Variants in PXT1 observed in about 807,000 individuals in gnomAD.
PXT1 encodes peroxisomal testis-specific protein 1.
PXT1 carries 11 observed loss-of-function variants against 11.0 expected under a neutral mutation model. The observed-to-expected ratio is 1.00, with a 90% CI of 0.63 to 1.66. The LOEUF (loss-of-function observed/expected upper bound fraction) is 1.66, where lower values mean the gene tolerates loss of function less well. PXT1 is among the 40% of genes most tolerant of loss of function. The pLI, the probability that PXT1 is intolerant of heterozygous loss-of-function variation, is 0.00. For missense variants in PXT1, 141 were observed against 155.5 expected (o/e 0.91, Z 0.49); for synonymous variants, 43 against 51.4 (o/e 0.84, Z 0.70).
chr6:36,405,435 A>G lies in PXT1; in HGVS notation c.170-4851T>C, dbSNP rs1393015565. 2.6e-5 allele frequency among the ~76,000 whole-genome samples: 4 copies of G among 151,884 alleles called. No homozygotes were observed. In the East Asian group the frequency reaches 5.8e-4, roughly 22 times the overall value. On this transcript the variant is annotated intron_variant, in intron 3 of 4. Transcript: ENST00000454782. ...CTCTTGTTGCCCAGGCTGCAGTACA[A>G]TGTCGCGATCTCAGCTCACTGCAAC...
chr6:36,440,363 G>A (rs998051672), intron 1 of PXT1, among the ~76,000 whole-genome samples: 4 of 152,174 alleles, frequency 2.6e-5, no homozygotes, highest in African/African-American at 9.7e-5. Context: ...GAGGTCAGGA[G>A]ATCGAGACCA....
intron 1 of PXT1, among the ~76,000 whole-genome samples, chr6:36,440,243 A>G (rs954091773): frequency 6.6e-6 from 1 of 152,228 alleles, no homozygotes; most frequent in East Asian, 1.9e-4. Flanking sequence ...GACAATTTAC[A>G]ATAGCTATTA....
intron 4 of PXT1, among the ~76,000 whole-genome samples, chr6:36,398,962 G>A (rs762888614): frequency 6.6e-6 from 1 of 152,074 alleles, no homozygotes; most frequent in African/African-American, 2.4e-5. Context: ...TATGAGCCCT[G>A]CTGCTCACTG....
chr6:36,392,395 A>G (rs1049097401), intron 4 of PXT1, among the ~76,000 whole-genome samples: 43 of 152,156 alleles, frequency 2.8e-4, no homozygotes, highest in African/African-American at 1.0e-3. Context: ...AAGACTGGGC[A>G]TGGTGGCTCC....
chr6:36,402,021 A>G (rs906350517), intron 3 of PXT1, among the ~76,000 whole-genome samples: 4 of 151,358 alleles, frequency 2.6e-5, no homozygotes, highest in African/African-American at 9.7e-5. Context: ...TTGTTTCCCA[A>G]GCTGGTCTTG....
intron 3 of PXT1, among the ~76,000 whole-genome samples, chr6:36,412,370 A>T (rs1179009317): frequency 1.3e-5 from 2 of 151,046 alleles, no homozygotes; most frequent in Non-Finnish European, 3.0e-5. Context: ...AAACAAAAAT[A>T]AAAAAAATAG....
intron 3 of PXT1, among the ~76,000 whole-genome samples, chr6:36,418,773 G>A (rs601606): frequency 2.6e-5 from 4 of 152,120 alleles, no homozygotes; most frequent in African/African-American, 7.2e-5. Context: ...GGAGAGTACC[G>A]ACTCACTTCC....
At chr6:36,429,833 G>T (rs775136910) in intron 2 of PXT1, among the ~76,000 whole-genome samples, 1 of 140,670 alleles carries the variant, frequency 7.1e-6, no homozygotes, top group African/African-American at 2.8e-5. Flanking sequence ...ATATATTTAC[G>T]AAAGTTTTTA....
At position 36,442,743 on chromosome 6, in the gene PXT1, G is replaced by C. The variant is rs1437218472; in HGVS notation, c.-338C>G. 2 of 152,182 alleles carry C rather than the reference G, an allele frequency of 1.3e-5. No homozygotes were observed. The highest frequency in any genetic ancestry group is 1.9e-4 in the East Asian group (1 of 5,200). The allele number at this position is 152,182 out of a possible 1,614,324, so 9.4% of individuals were successfully genotyped here. A position where few individuals can be genotyped will look rare whatever the true frequency, so the allele number is the denominator to read the frequency against. The stretch of plus-strand genomic sequence containing the variant: ...TTAGCCGTCCTGGCGCTGCACGAGC[G>C]TATTCTACAATTCCGAAAACTACTA... On this transcript the variant is annotated 5_prime_UTR_variant, in exon 1 of 5. Transcript: ENST00000454782.
At chr6:36,430,813 G>A (rs1774681123) in intron 2 of PXT1, among the ~76,000 whole-genome samples, 1 of 151,354 alleles carries the variant, frequency 6.6e-6, no homozygotes, top group Admixed American at 6.6e-5. Flanking sequence ...TTAATTTTTT[G>A]AGACAACGTC....
chr6:36,390,995 C>T lies in PXT1; in HGVS notation c.*775G>A, dbSNP rs1774057706. 6.6e-6 allele frequency: 1 copy of T among 152,254 alleles called. No individual in the cohort carries two copies. Among genetic ancestry groups the T allele is most frequent in the Non-Finnish European group, 1.5e-5 (1 of 68,102 alleles). The allele number at this position is 152,254 out of a possible 1,614,324, so 9.4% of individuals were successfully genotyped here. A position where few individuals can be genotyped will look rare whatever the true frequency, so the allele number is the denominator to read the frequency against. ...AGGATGACAGAGCAGGGAAAGATAC[C>T]TTCGAGCAGGGTCGAGTGGTATGGG... On this transcript the variant is annotated 3_prime_UTR_variant, in exon 5 of 5. Coordinates refer to ENST00000454782, the MANE Select transcript of PXT1 (RefSeq NM_152990.4).
At chr6:36,440,231 A>G (rs776947612) in intron 1 of PXT1, among the ~76,000 whole-genome samples, 2 of 152,248 alleles carry the variant, frequency 1.3e-5, no homozygotes, top group Non-Finnish European at 2.9e-5. Flanking sequence ...AGCTTTTTGT[A>G]TGACAATTTA....
At chr6:36,435,737 G>GA (rs1001477971) in intron 2 of PXT1, among the ~76,000 whole-genome samples, 16 of 152,128 alleles carry the variant, frequency 1.1e-4, no homozygotes, top group Admixed American at 1.3e-4. Flanking sequence ...CTTCCAGATT[G>GA]AAAAAAATCA....
At chr6:36,438,034 G>T (rs2088444409) in intron 2 of PXT1, among the ~76,000 whole-genome samples, 1 of 150,722 alleles carries the variant, frequency 6.6e-6, no homozygotes. Context: ...TGATCAGGCT[G>T]GTCTCGAACT....
intron 4 of PXT1, among the ~76,000 whole-genome samples, chr6:36,394,374 G>A (rs1375539321): frequency 6.6e-6 from 1 of 152,150 alleles, no homozygotes; most frequent in African/African-American, 2.4e-5. Flanking sequence ...TTTAATAAAT[G>A]TTTGTTTCCC....
chr6:36,440,435 T>C (rs978696354), intron 1 of PXT1, among the ~76,000 whole-genome samples: 1 of 151,892 alleles, frequency 6.6e-6, no homozygotes, highest in African/African-American at 2.4e-5. Context: ...CCGGGCACAG[T>C]GGCGGGCGCC....
intron 4 of PXT1, among the ~76,000 whole-genome samples, chr6:36,393,781 A>G (rs557051544): frequency 6.6e-6 from 1 of 151,946 alleles, no homozygotes; most frequent in South Asian, 2.1e-4. Flanking sequence ...TCTCTACTTA[A>G]AATTGCAAAC....
intron 3 of PXT1, among the ~76,000 whole-genome samples, chr6:36,412,604 G>A (rs1774390539): frequency 6.6e-6 from 1 of 151,210 alleles, no homozygotes; most frequent in African/African-American, 2.4e-5. Context: ...AGGTTGCAGT[G>A]AGCCAAGATC....
chr6:36,399,153 T>C (rs1774181678), intron 4 of PXT1, among the ~76,000 whole-genome samples: 1 of 151,912 alleles, frequency 6.6e-6, no homozygotes, highest in Admixed American at 6.6e-5. Context: ...TTTCATTTCA[T>C]TTCATTTTTT....
Sources: allele counts gnomAD v4.1 joint callset (sites outside exome capture counted in the v4.1 genomes callset), GRCh38; gene constraint gnomAD v4.1.1; transcripts MANE v1.5; gene names NCBI Gene and HGNC (gene_info 2026-07-23, HGNC 2026-07-21).